The following LPA variants were observed in gnomAD, a reference collection of about 807,000 sequenced individuals.
LPA encodes apolipoprotein(a).
A neutral mutation model predicts 197.9 loss-of-function variants in LPA; 199 were observed. The observed-to-expected ratio is 1.01, with a 90% confidence interval of 0.90 to 1.13. The LOEUF (loss-of-function observed/expected upper bound fraction) is 1.13, where lower values mean the gene tolerates loss of function less well. Ranked by LOEUF, LPA falls within the 50% of genes most tolerant of loss-of-function variation. The pLI is 0.00. For synonymous variants in LPA, 715 were observed against 639.5 expected (o/e 1.12, Z -1.78); for missense variants, 1,853 against 1,785.8 (o/e 1.04, Z -0.68).
rs543542931 is a variant in LPA at position 160,537,917 on chromosome 6, G to A, written c.5780C>T (p.Ser1927Phe). 2.6e-4 allele frequency: 423 copies of A among 1,614,240 alleles called. 7 individuals carry two copies. In the South Asian group the frequency reaches 4.4e-3, roughly 17 times the overall value. ...TDKVMPACLP[S>F]PDYMVTARTE... is the part of the protein sequence containing the mutation. The stretch of plus-strand genomic sequence containing the variant: ...CCTGGCGGTGACCATGTAGTCTGGG[G>A]ATGGCAGACAAGCTGGCATTACTTT... Residue 1927 changes from serine (S) to phenylalanine (F), a missense_variant, in exon 37 of 39, where the codon TCC becomes TTC. Around this residue, in one of 3 missense-constraint regions of LPA, gnomAD observed 1,737 missense variants for 1,504.4 expected, o/e 1.15. Coordinates refer to ENST00000316300, the MANE Select transcript of LPA (RefSeq NM_005577.4).
At chr6:160,607,250 C>G (rs372456134) in intron 16 of LPA, among the ~76,000 whole-genome samples, 1 of 152,106 alleles carries the variant, frequency 6.6e-6, no homozygotes, top group South Asian at 2.1e-4. Context: ...TACTTTCTGT[C>G]ATTCCCATAT....
chr6:160,551,372 G>A (rs183470046), intron 30 of LPA, among the ~76,000 whole-genome samples: 10 of 152,192 alleles, frequency 6.6e-5, no homozygotes, highest in Admixed American at 3.9e-4. Context: ...TCAATCTGTT[G>A]CCCATTAGTT....
At chr6:160,588,402 C>G (rs1467237513) in intron 24 of LPA, among the ~76,000 whole-genome samples, 1 of 152,098 alleles carries the variant, frequency 6.6e-6, no homozygotes, top group Non-Finnish European at 1.5e-5. Flanking sequence ...ATACAGCTTT[C>G]TTTGGTCTCT....
At chr6:160,572,971 T>G (rs1422962971) in intron 28 of LPA, among the ~76,000 whole-genome samples, 1 of 152,222 alleles carries the variant, frequency 6.6e-6, no homozygotes, top group African/African-American at 2.4e-5. Context: ...TATTTGCATG[T>G]CTAGGTGTCC....
At chr6:160,609,063 ATC>A (rs1230746661) in intron 16 of LPA, among the ~76,000 whole-genome samples, 2 of 152,022 alleles carry the variant, frequency 1.3e-5, no homozygotes, top group Non-Finnish European at 2.9e-5. Flanking sequence ...TTGATATTTT[ATC>A]TGTTTTATTA....
At chr6:160,559,464 T>C (rs1317439226) in intron 28 of LPA, among the ~76,000 whole-genome samples, 3 of 152,212 alleles carry the variant, frequency 2.0e-5, no homozygotes, top group Non-Finnish European at 4.4e-5. Context: ...TAAATAAAGC[T>C]CCTATAAATA....
intron 18 of LPA, among the ~76,000 whole-genome samples, chr6:160,603,452 T>G (rs1318167796): frequency 1.3e-5 from 2 of 152,222 alleles, no homozygotes; most frequent in Non-Finnish European, 2.9e-5. Flanking sequence ...TACTAGTTCT[T>G]TAATTTAATT....
At chr6:160,551,166 G>C (rs1017561696) in intron 30 of LPA, among the ~76,000 whole-genome samples, 13 of 152,172 alleles carry the variant, frequency 8.5e-5, no homozygotes, top group African/African-American at 2.7e-4. Flanking sequence ...CAGCATATGA[G>C]AGAGTTTCAC....
At chr6:160,590,714 G>T (rs1289454026) in intron 23 of LPA, among the ~76,000 whole-genome samples, 1 of 152,044 alleles carries the variant, frequency 6.6e-6, no homozygotes. Flanking sequence ...GGTAAATCCA[G>T]TGCCCTAGAA....
chr6:160,582,715 AC>A (rs1268271718), intron 26 of LPA, among the ~76,000 whole-genome samples: 1 of 152,056 alleles, frequency 6.6e-6, no homozygotes, highest in Non-Finnish European at 1.5e-5. Context: ...GAGCTTCTTG[AC>A]TATGTGAGTT....
At chr6:160,546,037 G>T (rs1778064830) in intron 32 of LPA, among the ~76,000 whole-genome samples, 1 of 152,084 alleles carries the variant, frequency 6.6e-6, no homozygotes, top group Non-Finnish European at 1.5e-5. Context: ...TTGGGTCTCT[G>T]CCCCCCAGTT....
In LPA at chr6:160,583,091, C is replaced by T. The variant is rs146042015; in HGVS notation, c.4289+1955G>A. Among the ~76,000 whole-genome samples, 75 of 152,124 alleles carry T rather than the reference C, an allele frequency of 4.9e-4. No homozygotes were observed. The East Asian group carries it at 0.014, about 27-fold the overall frequency. ...TCCATTTATTTATTTCTTGTCCACG[C>T]TTTCTTTAAATCCTTGAACACAATT... On this transcript the variant is annotated intron_variant, in intron 26 of 38. Coordinates refer to ENST00000316300, the MANE Select transcript of LPA (RefSeq NM_005577.4).
intron 1 of LPA, among the ~76,000 whole-genome samples, chr6:160,658,772 A>G (rs1780171951): frequency 6.6e-6 from 1 of 152,072 alleles, no homozygotes; most frequent in Non-Finnish European, 1.5e-5. Flanking sequence ...CCCAAAACCA[A>G]TGAAAGAATT....
At chr6:160,653,868 A>G (rs1780048701) in intron 1 of LPA, among the ~76,000 whole-genome samples, 1 of 117,360 alleles carries the variant, frequency 8.5e-6, no homozygotes, top group African/African-American at 3.2e-5. Flanking sequence ...AAATCAATAA[A>G]TGAGATTAAT....
At chr6:160,611,358 C>T (rs1389941560) in intron 16 of LPA, among the ~76,000 whole-genome samples, 7 of 152,070 alleles carry the variant, frequency 4.6e-5, no homozygotes, top group Non-Finnish European at 2.9e-5. Flanking sequence ...CCCTTCTGCT[C>T]CACAAAACTA....
intron 28 of LPA, among the ~76,000 whole-genome samples, chr6:160,562,497 G>A (rs1778379575): frequency 6.6e-6 from 1 of 152,108 alleles, no homozygotes. Context: ...TTTTCACATT[G>A]ATGTTCATCA....
chr6:160,596,260 A>T (rs1444022361), intron 20 of LPA, among the ~76,000 whole-genome samples: 3 of 152,204 alleles, frequency 2.0e-5, no homozygotes, highest in South Asian at 2.1e-4. Context: ...GACTGTGTTC[A>T]ATCATATGGA....
intron 17 of LPA, among the ~76,000 whole-genome samples, chr6:160,605,552 T>A (rs1779331491): frequency 6.6e-6 from 1 of 152,196 alleles, no homozygotes; most frequent in Non-Finnish European, 1.5e-5. Context: ...TACTGAATGT[T>A]CATGAGGACT....
Position 160,541,376 on chromosome 6 carries a change from C to T in LPA, c.5520-195G>A, listed in dbSNP as rs142645624. On this transcript the variant is annotated intron_variant, in intron 34 of 38. Transcript: ENST00000316300. ...AGTGAGATTTTTCAGAAGGGCCCAT[C>T]TGTGCCACTTTTTTTGATGCCTGAG... Among the ~76,000 whole-genome samples, 258 of 152,330 alleles carry T rather than the reference C, an allele frequency of 1.7e-3. 1 individual carries two copies. Among genetic ancestry groups the T allele is most frequent in the African/African-American group, 5.5e-3 (228 of 41,576 alleles).
Sources: allele counts gnomAD v4.1 joint callset (sites outside exome capture counted in the v4.1 genomes callset), GRCh38; gene constraint gnomAD v4.1.1; regional missense constraint gnomAD v4.1.1; transcripts MANE v1.5; gene names NCBI Gene and HGNC (gene_info 2026-07-23, HGNC 2026-07-21).